Variants in NRXN1 observed in about 807,000 individuals in gnomAD.
NRXN1 encodes the protein neurexin 1.
NRXN1 carries 39 observed loss-of-function variants against 150.9 expected under a neutral mutation model. The ratio of observed to expected loss-of-function variants is 0.26; its 90% CI spans 0.20 to 0.34. The LOEUF is 0.34. Ranked by LOEUF, NRXN1 falls within the 10% of genes least tolerant of loss-of-function variation. The pLI is 1.00. For synonymous variants in NRXN1, 924 were observed against 757.0 expected (o/e 1.22, Z -3.62); for missense variants, 1,815 against 1,949.9 (o/e 0.93, Z 1.30).
chr2:50,682,449 C>G (rs761373913), intron 5 of NRXN1, among the ~76,000 whole-genome samples: 2 of 152,058 alleles, frequency 1.3e-5, no homozygotes, highest in African/African-American at 4.8e-5. Flanking sequence ...AATTATGGTG[C>G]TAAATTTCCT....
intron 12 of NRXN1, among the ~76,000 whole-genome samples, chr2:50,525,580 A>G (rs970667574): frequency 2.0e-5 from 3 of 152,186 alleles, no homozygotes; most frequent in African/African-American, 7.2e-5. Flanking sequence ...TATTTTAGCA[A>G]TGGTATAAGC....
chr2:50,306,993 G>GT lies in NRXN1; in HGVS notation c.3365-70024dup, dbSNP rs556021262. 2.5e-3 allele frequency among the ~76,000 whole-genome samples: 372 copies of GT among 151,776 alleles called. 1 individual carries two copies. Among genetic ancestry groups the GT allele is most frequent in the African/African-American group, 8.5e-3 (351 of 41,410 alleles). On this transcript the variant is annotated intron_variant, in intron 17 of 22. Coordinates refer to ENST00000401669, the MANE Select transcript of NRXN1 (RefSeq NM_001330078.2). Reference sequence around the variant, plus strand: ...AGCATTTTTTTGTGAGTTTTGTTTTGTTTTTTTCTGAGATGGAGTCTTGCT... The same window carrying GT: ...AGCATTTTTTTGTGAGTTTTGTTTTGTTTTTTTTCTGAGATGGAGTCTTGCT...
intron 18 of NRXN1, among the ~76,000 whole-genome samples, chr2:50,129,225 T>C (rs995705294): frequency 1.3e-5 from 2 of 152,044 alleles, no homozygotes; most frequent in Admixed American, 1.3e-4. Context: ...GTATAACTGA[T>C]GCAAAACTGG....
rs1189728874 is a variant in NRXN1 at position 50,231,310 on chromosome 2, G to C, written c.3546+5479C>G. On this transcript the variant is annotated intron_variant, in intron 18 of 22. Coordinates refer to ENST00000401669, the MANE Select transcript of NRXN1 (RefSeq NM_001330078.2). Reference sequence around the variant, plus strand: ...TATGTATAATTACTGACTTTAAAAAGGTATTTCTGAATCAAATCTTAATAG... The same window carrying C: ...TATGTATAATTACTGACTTTAAAAACGTATTTCTGAATCAAATCTTAATAG... Among the ~76,000 whole-genome samples, 15 of 152,046 alleles carry C rather than the reference G, an allele frequency of 9.9e-5. No homozygotes were observed. The East Asian group carries it at 2.9e-3, about 30-fold the overall frequency.
intron 18 of NRXN1, among the ~76,000 whole-genome samples, chr2:50,232,396 T>C (rs1375455152): frequency 5.4e-5 from 8 of 147,198 alleles, no homozygotes; most frequent in Non-Finnish European, 9.0e-5. Flanking sequence ...TCTTTTTTTT[T>C]TTTTTTTTTG....
At chr2:50,896,253 T>C (rs1574858211) in intron 5 of NRXN1, among the ~76,000 whole-genome samples, 1 of 152,144 alleles carries the variant, frequency 6.6e-6, no homozygotes, top group South Asian at 2.1e-4. Context: ...TCAGATATTA[T>C]GGGAAGAGAG....
chr2:50,083,770 A>C (rs543701232), intron 19 of NRXN1, among the ~76,000 whole-genome samples: 2 of 152,112 alleles, frequency 1.3e-5, no homozygotes, highest in Non-Finnish European at 2.9e-5. Flanking sequence ...CCTGAGCTAG[A>C]CACAAACGTT....
chr2:50,531,744 T>A (rs76637814), intron 10 of NRXN1, among the ~76,000 whole-genome samples: 3,249 of 152,248 alleles, frequency 0.021, 125 homozygotes, highest in African/African-American at 0.074. Flanking sequence ...TATGCCCCCC[T>A]TCTCAAGAGC....
At chr2:49,990,873 G>A (rs1467150764) in intron 21 of NRXN1, among the ~76,000 whole-genome samples, 1 of 152,102 alleles carries the variant, frequency 6.6e-6, no homozygotes, top group African/African-American at 2.4e-5. Context: ...GTTGGGGTTT[G>A]GTTCCTAATT....
At chr2:50,002,584 T>A (rs1318269304) in intron 21 of NRXN1, among the ~76,000 whole-genome samples, 1 of 152,088 alleles carries the variant, frequency 6.6e-6, no homozygotes, top group Non-Finnish European at 1.5e-5. Flanking sequence ...GAATGAGAGA[T>A]CAAAATATTT....
chr2:50,886,292 A>G (rs1680232582), intron 5 of NRXN1, among the ~76,000 whole-genome samples: 1 of 151,430 alleles, frequency 6.6e-6, no homozygotes, highest in Admixed American at 6.6e-5. Context: ...AATTTACTTA[A>G]TATTTTTCAA....
At chr2:50,142,657 A>G (rs1301887320) in intron 18 of NRXN1, among the ~76,000 whole-genome samples, 1 of 151,992 alleles carries the variant, frequency 6.6e-6, no homozygotes, top group Non-Finnish European at 1.5e-5. Context: ...ATTTCATATA[A>G]CTTTAGTAAG....
chr2:50,288,487 C>A (rs1167822740), intron 17 of NRXN1, among the ~76,000 whole-genome samples: 1 of 152,088 alleles, frequency 6.6e-6, no homozygotes, highest in Non-Finnish European at 1.5e-5. Context: ...TTGTATTAGT[C>A]TATTCTCATG....
chr2:50,709,577 C>A (rs1329883958), intron 5 of NRXN1, among the ~76,000 whole-genome samples: 2 of 152,074 alleles, frequency 1.3e-5, no homozygotes, highest in African/African-American at 4.8e-5. Context: ...CACAGGATAA[C>A]AGGCACCAAG....
chr2:50,168,114 T>G (rs573058180), intron 18 of NRXN1, among the ~76,000 whole-genome samples: 2 of 152,136 alleles, frequency 1.3e-5, no homozygotes, highest in Non-Finnish European at 2.9e-5. Context: ...ATAAGAAGGA[T>G]GTGTCTCTGC....
chr2:51,013,488 G>T (rs1201795535), intron 2 of NRXN1, among the ~76,000 whole-genome samples: 2 of 151,792 alleles, frequency 1.3e-5, no homozygotes, highest in Non-Finnish European at 2.9e-5. Flanking sequence ...GGTTTTGTAG[G>T]GGGAGGGGAG....
At chr2:50,111,443 C>T (rs939119993) in intron 18 of NRXN1, among the ~76,000 whole-genome samples, 1 of 151,812 alleles carries the variant, frequency 6.6e-6, no homozygotes, top group Non-Finnish European at 1.5e-5. Context: ...GGAGTGAGAC[C>T]GCCTGGCCAA....
At chr2:50,630,209 C>A (rs2104388798) in intron 5 of NRXN1, among the ~76,000 whole-genome samples, 1 of 151,590 alleles carries the variant, frequency 6.6e-6, no homozygotes, top group East Asian at 1.9e-4. Flanking sequence ...TAAAAACAAA[C>A]TTCTTATAGA....
At chr2:50,061,833 GT>G (rs1694582535) in intron 19 of NRXN1, among the ~76,000 whole-genome samples, 1 of 152,114 alleles carries the variant, frequency 6.6e-6, no homozygotes, top group South Asian at 2.1e-4. Context: ...GAAAATGTCA[GT>G]GACAACATAC....
Sources: allele counts gnomAD v4.1 joint callset (sites outside exome capture counted in the v4.1 genomes callset), GRCh38; gene constraint gnomAD v4.1.1; transcripts MANE v1.5; gene names NCBI Gene and HGNC (gene_info 2026-07-23, HGNC 2026-07-21).